MCCC1: variants seen among roughly 807,000 people sequenced by gnomAD.
MCCC1 encodes methylcrotonyl-CoA carboxylase subunit 1.
Under a neutral mutation model 83.8 loss-of-function variants are expected in MCCC1, and 64 were observed. The observed-to-expected ratio is 0.76, with a 90% CI of 0.62 to 0.94. The LOEUF (loss-of-function observed/expected upper bound fraction) is 0.94, where lower values mean the gene tolerates loss of function less well. MCCC1 is among the 40% of genes least tolerant of loss of function. The pLI is 0.00. For missense variants in MCCC1, 807 were observed against 904.7 expected (o/e 0.89, Z 1.39); for synonymous variants, 322 against 315.4 (o/e 1.02, Z -0.22).
chr3:183,043,754 C>T (rs576314877), intron 10 of MCCC1, among the ~76,000 whole-genome samples: 7 of 152,352 alleles, frequency 4.6e-5, no homozygotes, highest in African/African-American at 1.7e-4. Context: ...CAAGCTCTTA[C>T]AAGAAATAGA....
intron 14 of MCCC1, among the ~76,000 whole-genome samples, chr3:183,028,397 G>C (rs1413043729): frequency 2.0e-5 from 3 of 152,204 alleles, no homozygotes; most frequent in Admixed American, 6.5e-5. Context: ...TGCCTGCTAA[G>C]ACAACATCCT....
At position 183,077,195 on chromosome 3, in the gene MCCC1, T is replaced by C. The variant is rs558185880; in HGVS notation, c.370-4708A>G. Among the ~76,000 whole-genome samples, 8 of 152,368 alleles carry C rather than the reference T, an allele frequency of 5.3e-5. No individual in the cohort carries two copies. In the East Asian group the frequency reaches 1.5e-3, roughly 29 times the overall value. ...TTGGCTACTATAAATAATGCTGCTATGAACATTCAGGTATAAATTTCTGTG... is the reference window on the plus strand; with the variant it reads ...TTGGCTACTATAAATAATGCTGCTACGAACATTCAGGTATAAATTTCTGTG... On this transcript the variant is annotated intron_variant, in intron 4 of 18. Coordinates refer to ENST00000265594, the MANE Select transcript of MCCC1 (RefSeq NM_020166.5).
intron 8 of MCCC1, 72 bp downstream of exon 8, chr3:183,057,239 A>G: frequency 8.1e-7 from 1 of 1,238,846 alleles, no homozygotes; most frequent in Non-Finnish European, 1.2e-6. Context: ...AGATTCACAG[A>G]TTTCTGATGT....
intron 14 of MCCC1, among the ~76,000 whole-genome samples, chr3:183,031,433 T>C (rs1261793864): frequency 6.6e-6 from 1 of 151,830 alleles, no homozygotes; most frequent in Non-Finnish European, 1.5e-5. Flanking sequence ...TAGTTGGTCA[T>C]TCTCACTGTG....
At position 183,041,584 on chromosome 3, in the gene MCCC1, T is replaced by A; in HGVS notation, c.1250A>T (p.Glu417Val). ...TPRADPSTRI[E>V]TGVRQGDEVS... ...CACTTTACCTTGCCGTACTCCAGTT[T>A]CAATCCTGGTGGAAGGGTCTGCTCG... The change falls in exon 11 of 19, where the codon GAA becomes GTA. Residue 417 changes from glutamate to valine, a missense_variant. Physicochemically the swap from Glu to Val is moderately radical, Grantham distance 121. Transcript: ENST00000265594. 6.2e-7 allele frequency: 1 copy of A among 1,614,100 alleles called. No individual in the cohort carries two copies. The highest frequency in any genetic ancestry group is 1.1e-5 in the South Asian group (1 of 91,076).
Position 183,039,072 on chromosome 3 carries a change from CG to C in MCCC1, c.1330del (p.Arg444AlafsTer5). The stretch of plus-strand genomic sequence containing the variant: ...CCTCAGTTTTGTCAATGCCGCCTGG[CG>C]ATCTGCTGCCCACACGACCAGCTTC... ...IAKLVVWAAD[R>X]QAALTKLRYS... On this transcript the variant is annotated frameshift_variant, in exon 12 of 19. Transcript: ENST00000265594. LOFTEE classifies it high-confidence loss of function. 6.2e-7 allele frequency: 1 copy of C among 1,614,168 alleles called. No individual in the cohort carries two copies. Among genetic ancestry groups the C allele is most frequent in the Non-Finnish European group, 8.5e-7 (1 of 1,180,024 alleles).
chr3:183,100,679 G>A (rs767041736), upstream of MCCC1, among the ~76,000 whole-genome samples: 7 of 152,166 alleles, frequency 4.6e-5, no homozygotes, highest in African/African-American at 2.4e-5. Context: ...TATTAACTAC[G>A]CTGGGTGCTG....
At chr3:183,015,871 A>C (rs981517751) in intron 18 of MCCC1, among the ~76,000 whole-genome samples, 1 of 150,560 alleles carries the variant, frequency 6.6e-6, no homozygotes, top group Non-Finnish European at 1.5e-5. Context: ...TGAGAATTGC[A>C]CCTAGGAAGC....
intron 11 of MCCC1, among the ~76,000 whole-genome samples, chr3:183,039,514 T>C (rs1170861131): frequency 6.6e-6 from 1 of 152,184 alleles, no homozygotes; most frequent in East Asian, 1.9e-4. Flanking sequence ...CTCTTTCAGT[T>C]TCCGTACTAG....
At chr3:183,018,094 T>C (rs1324044966) in intron 17 of MCCC1, among the ~76,000 whole-genome samples, 1 of 152,012 alleles carries the variant, frequency 6.6e-6, no homozygotes, top group African/African-American at 2.4e-5. Flanking sequence ...ACTCGTCAAA[T>C]AAGAGGCCTA....
intron 1 of MCCC1, among the ~76,000 whole-genome samples, chr3:183,095,359 G>A (rs990803391): frequency 2.0e-5 from 3 of 151,946 alleles, no homozygotes; most frequent in East Asian, 1.9e-4. Flanking sequence ...AAAATATGCT[G>A]GTCAATCTAC....
chr3:183,100,652 A>G (rs573915319), upstream of MCCC1, among the ~76,000 whole-genome samples: 4 of 152,386 alleles, frequency 2.6e-5, no homozygotes, highest in South Asian at 2.1e-4. Context: ...GTATCAGTGG[A>G]AAAATTCTAA....
At chr3:183,024,066 C>T (rs1017408158) in intron 15 of MCCC1, among the ~76,000 whole-genome samples, 1 of 152,142 alleles carries the variant, frequency 6.6e-6, no homozygotes, top group African/African-American at 2.4e-5. Flanking sequence ...GCCTGACCAA[C>T]ACAGTGAAAC....
intron 1 of MCCC1, 31 bp downstream of exon 1, chr3:183,099,321 C>G: frequency 5.1e-6 from 8 of 1,570,242 alleles, no homozygotes; most frequent in Non-Finnish European, 6.9e-6. Flanking sequence ...GCTCCCGCCT[C>G]TGCCCACTGA....
intron 1 of MCCC1, chr3:183,098,732 C>T (rs1255669608): frequency 6.5e-6 from 1 of 153,816 alleles, no homozygotes; most frequent in African/African-American, 2.4e-5. Flanking sequence ...TAGACTGAGT[C>T]ATCTGATAGC....
At chr3:183,085,117 A>C (rs1479965076) in intron 4 of MCCC1, among the ~76,000 whole-genome samples, 1 of 152,218 alleles carries the variant, frequency 6.6e-6, no homozygotes, top group Non-Finnish European at 1.5e-5. Context: ...AATGTGCTAG[A>C]GGAGACAACG....
chr3:183,038,748 T>C (rs968281959), intron 12 of MCCC1, among the ~76,000 whole-genome samples: 1 of 152,210 alleles, frequency 6.6e-6, no homozygotes, highest in South Asian at 2.1e-4. Flanking sequence ...GTACCATGTA[T>C]AGCTGGCCTT....
chr3:183,034,501 A>T (rs572767136), intron 13 of MCCC1, among the ~76,000 whole-genome samples: 1 of 150,946 alleles, frequency 6.6e-6, no homozygotes, highest in Non-Finnish European at 1.5e-5. Flanking sequence ...CTGGCAGCTC[A>T]GATGTGCTTT....
At position 183,045,324 on chromosome 3, in the gene MCCC1, C is replaced by A. The variant is rs992849202; in HGVS notation, c.1083+89G>T. ...CGAACTCCTGACCTCAGGTGATCCA[C>A]CTGCCTTGGCCTGCCAAAGTGCTGG... On this transcript the variant is annotated intron_variant, in intron 10 of 18. Transcript: ENST00000265594. 2.0e-6 allele frequency: 3 copies of A among 1,511,898 alleles called. No homozygotes were observed. The African/African-American group carries it at 4.1e-5, about 21-fold the overall frequency. The allele number at this position is 1,511,898 out of a possible 1,614,324, so 93.7% of individuals were successfully genotyped here. A position where few individuals can be genotyped will look rare whatever the true frequency, so the allele number is the denominator to read the frequency against.
Sources: gnomAD v4.1 joint callset for allele counts (sites outside exome capture counted in the v4.1 genomes callset) on GRCh38, gnomAD v4.1.1 for gene constraint, MANE v1.5 for transcripts, NCBI Gene and HGNC (gene_info 2026-07-23, HGNC 2026-07-21) for gene names.